ERN2: variants seen among roughly 807,000 people sequenced by gnomAD.
The protein encoded by ERN2 is endoplasmic reticulum to nucleus signaling 2, also known as serine/threonine-protein kinase/endoribonuclease IRE2.
Under a neutral mutation model 107.9 loss-of-function variants are expected in ERN2, and 111 were observed. That is an observed-to-expected ratio of 1.03 (90% confidence interval 0.88 to 1.20). The LOEUF is 1.20. Ranked by LOEUF, ERN2 falls within the 50% of genes most tolerant of loss-of-function variation. The probability of loss-of-function intolerance (pLI) is 0.00; values close to 1 mark genes in which losing one functional copy is unlikely to be tolerated. For missense variants in ERN2, 1,225 were observed against 1,197.9 expected (o/e 1.02, Z -0.33); for synonymous variants, 524 against 501.7 (o/e 1.04, Z -0.59).
At chr16:23,701,520 C>A (rs1371830928) in intron 11 of ERN2, among the ~76,000 whole-genome samples, 3 of 152,104 alleles carry the variant, frequency 2.0e-5, no homozygotes, top group Non-Finnish European at 4.4e-5. Context: ...TTGGTCCAAA[C>A]CTCTCCCAGG....
In ERN2 at chr16:23,710,460, T is replaced by G. The variant is rs150586952; in HGVS notation, c.233+56A>C. 9.9e-4 allele frequency: 1,556 copies of G among 1,570,372 alleles called. 16 individuals are homozygous for G. The African/African-American group carries it at 0.019, about 20-fold the overall frequency. Reference sequence around the variant, plus strand: ...CACATACAAACTCTCTCCAGACAACTATGAGTCCCCCATCTCCCAGAAGCC... The same window carrying G: ...CACATACAAACTCTCTCCAGACAACGATGAGTCCCCCATCTCCCAGAAGCC... On this transcript the variant is annotated intron_variant, in intron 3 of 21. Transcript: ENST00000256797.
In ERN2 at chr16:23,692,103, A is replaced by G. The variant is rs1555466332; in HGVS notation, c.2249-13T>C. 3.8e-5 allele frequency: 61 copies of G among 1,613,728 alleles called. No homozygotes were observed. The South Asian group carries it at 6.4e-4, about 17-fold the overall frequency. On this transcript the variant is annotated splice_polypyrimidine_tract_variant and intron_variant, in intron 18 of 21. Transcript: ENST00000256797. ...GCAACCACCTTGTCTGGAGGATGGA[A>G]GAGGAGGAGGAGAGTCTGCTTCAGG...
intron 4 of ERN2, chr16:23,709,921 C>A (rs1017351793): frequency 3.4e-5 from 15 of 445,882 alleles, no homozygotes; most frequent in Admixed American, 3.9e-5. Context: ...CTCTTTAAAG[C>A]CCTCAGAGTC....
rs1960354039 is a variant in ERN2, at chr16:23,707,145, G to T, written c.307-66C>A. 1.5e-5 allele frequency: 17 copies of T among 1,134,972 alleles called. No individual in the cohort carries two copies. The South Asian group carries it at 2.1e-4, about 14-fold the overall frequency. 70.3% of individuals were successfully genotyped at this position (1,134,972 alleles called of 1,614,324 possible). ...ACACACAGTGCTCACTGTGCCAGGTGAGCCCATTTCCATAGCAACCAATTA... is the reference window on the plus strand; with the variant it reads ...ACACACAGTGCTCACTGTGCCAGGTTAGCCCATTTCCATAGCAACCAATTA... On this transcript the variant is annotated intron_variant, in intron 4 of 21. Coordinates refer to ENST00000256797, the MANE Select transcript of ERN2 (RefSeq NM_033266.4).
At position 23,702,505 on chromosome 16, in the gene ERN2, G is replaced by T. The variant is rs1380250930; in HGVS notation, c.966C>A (p.Gly322=). Residue 322 remains glycine, a synonymous_variant, in exon 10 of 22, where the codon GGC becomes GGA. Coordinates refer to ENST00000256797, the MANE Select transcript of ERN2 (RefSeq NM_033266.4). ...PRGLTLAPAD[G]PTTDEVTLQV... ...GGAGTGTCACCTCATCTGTGGTGGG[G>T]CCATCTGCGGGGGCCAGGGTCAGTC... 1.9e-6 allele frequency: 3 copies of T among 1,613,664 alleles called. No individual in the cohort carries two copies. Among genetic ancestry groups the T allele is most frequent in the African/African-American group, 2.7e-5 (2 of 74,900 alleles).
chr16:23,706,286 G>C (rs1960303314), intron 7 of ERN2, 44 bp downstream of exon 7: 13 of 1,345,158 alleles, frequency 9.7e-6, no homozygotes, highest in Non-Finnish European at 1.3e-5. Flanking sequence ...TCCCTGGGTT[G>C]GGGACCTTGC....
At chr16:23,697,972 C>T (rs1186286206) in intron 13 of ERN2, among the ~76,000 whole-genome samples, 1 of 152,014 alleles carries the variant, frequency 6.6e-6, no homozygotes, top group Non-Finnish European at 1.5e-5. Flanking sequence ...CTATGTTGCC[C>T]AGGCTGGGCT....
chr16:23,708,274 C>A (rs372811943), intron 4 of ERN2, among the ~76,000 whole-genome samples: 1 of 151,950 alleles, frequency 6.6e-6, no homozygotes, highest in East Asian at 1.9e-4. Context: ...GAATTGCAAT[C>A]CCCAATGTTA....
At chr16:23,704,379 A>C (rs1337845616) in intron 8 of ERN2, among the ~76,000 whole-genome samples, 1 of 152,086 alleles carries the variant, frequency 6.6e-6, no homozygotes, top group East Asian at 1.9e-4. Flanking sequence ...GGTCTTTCCC[A>C]TGCTGTTCTT....
chr16:23,698,798 T>G (rs1487079997), intron 13 of ERN2, among the ~76,000 whole-genome samples: 1 of 152,146 alleles, frequency 6.6e-6, no homozygotes, highest in Admixed American at 6.6e-5. Flanking sequence ...ATGTTAGCCA[T>G]GCTGGTCTCG....
chr16:23,693,334 C>G (rs1245022192), intron 17 of ERN2, among the ~76,000 whole-genome samples: 1 of 152,108 alleles, frequency 6.6e-6, no homozygotes, highest in Admixed American at 6.6e-5. Context: ...TGCCTATAAT[C>G]TCAGCACTTT....
intron 11 of ERN2, 32 bp from the exon 12 acceptor site, chr16:23,701,146 C>T (rs1426530764): frequency 1.9e-6 from 3 of 1,599,880 alleles, no homozygotes; most frequent in Non-Finnish European, 2.6e-6. Context: ...CTTTTAGCAC[C>T]CCCTTCCACC....
chr16:23,702,341 A>G (rs1487437943), intron 10 of ERN2, 49 bp downstream of exon 10: 1 of 1,611,258 alleles, frequency 6.2e-7, no homozygotes, highest in Admixed American at 1.7e-5. Context: ...AGCTGGGCTC[A>G]CAGGTTCTTT....
intron 17 of ERN2, among the ~76,000 whole-genome samples, chr16:23,693,600 A>AT (rs1457874978): frequency 0.034 from 4,802 of 142,812 alleles, 140 homozygotes; most frequent in African/African-American, 0.071. Context: ...AAAAAAAAAA[A>AT]AATATATATA....
Position 23,694,896 on chromosome 16 carries a change from G to A in ERN2, c.1932C>T (p.Leu644=), listed in dbSNP as rs529748959. 4.6e-5 allele frequency: 75 copies of A among 1,614,118 alleles called. No individual in the cohort carries two copies. The highest frequency in any genetic ancestry group is 1.6e-4 in the Middle Eastern group (1 of 6,080). ...VHRDLKPGNI[L]ITGPDSQGLG... ...GGCCCTGGCTGTCAGGCCCGGTGAT[G>A]AGAATATTTCCTGGCTTCAGGTCCC... Residue 644 remains leucine, a synonymous_variant, in exon 17 of 22, where the codon CTC becomes CTT. Coordinates refer to ENST00000256797, the MANE Select transcript of ERN2 (RefSeq NM_033266.4).
At chr16:23,703,014 T>C (rs1960152808) in intron 8 of ERN2, among the ~76,000 whole-genome samples, 1 of 151,784 alleles carries the variant, frequency 6.6e-6, no homozygotes, top group Non-Finnish European at 1.5e-5. Flanking sequence ...AACTATGAGA[T>C]AGGTAAGTGA....
chr16:23,695,333 C>CCAAA lies in ERN2; in HGVS notation c.1663_1666dup (p.Gly556ValfsTer15). 2 of 1,612,608 alleles carry CCAAA rather than the reference C, an allele frequency of 1.2e-6. No individual in the cohort carries two copies. Among genetic ancestry groups the CCAAA allele is most frequent in the Non-Finnish European group, 1.7e-6 (2 of 1,179,434 alleles). On this transcript the variant is annotated frameshift_variant, in exon 15 of 22. Transcript: ENST00000256797. LOFTEE classifies it high-confidence loss of function. The stretch of plus-strand genomic sequence containing the variant: ...CAGTTGAACTTCCCGCCGAACCAGG[C>CCAAA]CAAAGCACTCGCGGAGGAGCCGCTT...
rs778067910 is a variant in ERN2 at position 23,710,154 on chromosome 16, A to G, written c.306+18T>C. The G allele has an allele frequency of 6.3e-7, 1 of 1,594,342 alleles. No homozygotes were observed. Among genetic ancestry groups the G allele is most frequent in the East Asian group, 2.2e-5 (1 of 44,772 alleles). ...AGCCCTGGCTCTCACCCATTCCCGA[A>G]CACCATGGGATACAAACCATTAATC... On this transcript the variant is annotated intron_variant, in intron 4 of 21. Transcript: ENST00000256797.
intron 4 of ERN2, 44 bp from the exon 5 acceptor site, chr16:23,707,123 C>T: frequency 7.4e-7 from 1 of 1,347,116 alleles, no homozygotes; most frequent in South Asian, 1.2e-5. Flanking sequence ...AGCAGCAACA[C>T]ACAGTGCTCA....
Sources: gnomAD v4.1 joint callset for allele counts (sites outside exome capture counted in the v4.1 genomes callset) on GRCh38, gnomAD v4.1.1 for gene constraint, MANE v1.5 for transcripts, NCBI Gene and HGNC (gene_info 2026-07-23, HGNC 2026-07-21) for gene names.